Variants in ZNF423 observed in about 807,000 individuals in gnomAD.
The protein encoded by ZNF423 is zinc finger protein 423.
Under a neutral mutation model 95.8 loss-of-function variants are expected in ZNF423, and 12 were observed. That is an observed-to-expected ratio of 0.13 (90% CI 0.08 to 0.20). The LOEUF is 0.20. Ranked by LOEUF, ZNF423 falls within the 10% of genes least tolerant of loss-of-function variation. The pLI is 1.00. For synonymous variants in ZNF423, 749 were observed against 711.9 expected (o/e 1.05, Z -0.83); for missense variants, 1,316 against 1,737.1 (o/e 0.76, Z 4.31).
In ZNF423 at chr16:49,548,305, T is replaced by C. The variant is rs183323116; in HGVS notation, c.3602-22811A>G. ...CATAGAAACTGCCATCCCAGACAAA[T>C]GCACGACATTAAAATTTGGTCTAGA... On this transcript the variant is annotated intron_variant, in intron 5 of 7. Transcript: ENST00000563137. 5.9e-5 allele frequency among the ~76,000 whole-genome samples: 9 copies of C among 152,248 alleles called. No homozygotes were observed. In the East Asian group the frequency reaches 1.3e-3, roughly 23 times the overall value.
chr16:49,673,926 G>T lies in ZNF423; in HGVS notation c.302-35052C>A, dbSNP rs76515617. Among the ~76,000 whole-genome samples the T allele has an allele frequency of 9.7e-3, 1,472 of 152,284 alleles. 48 individuals are homozygous for T. Among genetic ancestry groups the T allele is most frequent in the East Asian group, 0.076 (391 of 5,158 alleles). On this transcript the variant is annotated intron_variant, in intron 3 of 7. Transcript: ENST00000563137. ...TAAAAGGGTCCTTAGGAAGCCCAGA[G>T]AGCTCAGTTCTGGCAGGGTGATCAG...
intron 7 of ZNF423, among the ~76,000 whole-genome samples, chr16:49,499,996 G>C (rs1249219545): frequency 4.6e-5 from 7 of 152,150 alleles, no homozygotes; most frequent in African/African-American, 1.7e-4. Flanking sequence ...AATGCAAATG[G>C]GCCCCGTCAG....
chr16:49,637,873 T>G lies in ZNF423; in HGVS notation c.1303A>C (p.Ile435Leu). Residue 435 changes from isoleucine (I) to leucine (L), a missense_variant, in exon 4 of 8, where the codon ATC becomes CTC. Transcript: ENST00000563137. The surrounding 1 kb of genome is among the most constrained non-coding windows in gnomAD (Gnocchi z 5.6). ...TCCGCGTGGATGGTCTTCAGGTGGATCTCCAGCACGGCCAGGCTGTTAAAG... is the reference window on the plus strand; with the variant it reads ...TCCGCGTGGATGGTCTTCAGGTGGAGCTCCAGCACGGCCAGGCTGTTAAAG... ...RDFNSLAVLE[I>L]HLKTIHADKP... 6.2e-7 allele frequency: 1 copy of G among 1,614,068 alleles called. No individual in the cohort carries two copies. The highest frequency in any genetic ancestry group is 8.5e-7 in the Non-Finnish European group (1 of 1,180,004).
intron 1 of ZNF423, among the ~76,000 whole-genome samples, chr16:49,789,893 G>A (rs1415510953): frequency 2.6e-5 from 4 of 152,108 alleles, no homozygotes; most frequent in African/African-American, 9.7e-5. Flanking sequence ...ACCCTGCTGA[G>A]ACCTGACCCA....
At chr16:49,547,256 G>A (rs1312006520) in intron 5 of ZNF423, among the ~76,000 whole-genome samples, 1 of 152,066 alleles carries the variant, frequency 6.6e-6, no homozygotes, top group African/African-American at 2.4e-5. Flanking sequence ...AAGAGAGAAT[G>A]CTGAAAGGTC....
At chr16:49,571,014 C>A (rs770703612) in intron 5 of ZNF423, among the ~76,000 whole-genome samples, 12 of 152,180 alleles carry the variant, frequency 7.9e-5, no homozygotes, top group Admixed American at 4.6e-4. Flanking sequence ...GCTGGATGGA[C>A]AGACAGATAG....
Position 49,636,635 on chromosome 16 carries a change from G to A in ZNF423, c.2541C>T (p.Asn847=), listed in dbSNP as rs146659313. The part of the protein sequence containing the change: ...KHCVFDAATE[N]GTANGVPPMA... The stretch of plus-strand genomic sequence containing the variant: ...TTGGGGGTACCCCATTGGCCGTGCC[G>A]TTCTCGGTCGCAGCATCAAACACAC... The change falls in exon 4 of 8, where the codon AAC becomes AAT. Residue 847 remains asparagine (N), a synonymous_variant. Coordinates refer to ENST00000563137, the MANE Select transcript of ZNF423 (RefSeq NM_001379286.1). The surrounding 1 kb of genome is among the most constrained non-coding windows in gnomAD (Gnocchi z 8.6). 3.2e-4 allele frequency: 521 copies of A among 1,614,058 alleles called. No individual in the cohort carries two copies. Among genetic ancestry groups the A allele is most frequent in the Admixed American group, 9.5e-4 (57 of 60,016 alleles).
intron 5 of ZNF423, among the ~76,000 whole-genome samples, chr16:49,563,025 C>T (rs1174392607): frequency 6.6e-6 from 1 of 152,190 alleles, no homozygotes; most frequent in Non-Finnish European, 1.5e-5. Flanking sequence ...CCTCATGATC[C>T]ACCCACCTTG....
At position 49,525,394 on chromosome 16, in the gene ZNF423, G is replaced by A. The variant is rs766215720; in HGVS notation, c.3702C>T (p.Gly1234=). The A allele has an allele frequency of 4.9e-5, 79 of 1,613,896 alleles. No homozygotes were observed. Among genetic ancestry groups the A allele is most frequent in the African/African-American group, 6.7e-5 (5 of 74,894 alleles). ...HLIEHSFEGM[G]GTFKCPVCFT... is the part of the protein sequence containing the mutation. ...AACACACGGGGCATTTGAAGGTGCC[G>A]CCCATGCCCTCGAAGCTGTGCTCAA... The change falls in exon 6 of 8, where the codon GGC becomes GGT. Residue 1234 remains glycine (G), a synonymous_variant. Transcript: ENST00000563137.
chr16:49,836,810 AG>A (rs1282955630), intron 1 of ZNF423, among the ~76,000 whole-genome samples: 6 of 152,048 alleles, frequency 3.9e-5, no homozygotes, highest in Non-Finnish European at 8.8e-5. Context: ...CTCTCCTACT[AG>A]TAAGAAGGCA....
At chr16:49,815,876 AAAAAAATATAT>A (rs2034832427) in intron 1 of ZNF423, among the ~76,000 whole-genome samples, 5 of 72,134 alleles carry the variant, frequency 6.9e-5, no homozygotes, top group Non-Finnish European at 1.2e-4. Flanking sequence ...CAAACAAAAA[AAAAAAATATAT>A]ATATATATAT....
chr16:49,554,069 C>A (rs1381766530), intron 5 of ZNF423, among the ~76,000 whole-genome samples: 1 of 152,188 alleles, frequency 6.6e-6, no homozygotes, highest in Non-Finnish European at 1.5e-5. Context: ...ACAATGATAT[C>A]TTTTCTCTCC....
intron 1 of ZNF423, among the ~76,000 whole-genome samples, chr16:49,801,251 C>G (rs368737626): frequency 6.6e-6 from 1 of 152,182 alleles, no homozygotes; most frequent in Non-Finnish European, 1.5e-5. Flanking sequence ...GGCCCAGGTC[C>G]CTCACGTCCT....
chr16:49,504,680 G>T (rs2151668036), intron 7 of ZNF423, among the ~76,000 whole-genome samples: 1 of 152,306 alleles, frequency 6.6e-6, no homozygotes, highest in East Asian at 1.9e-4. Flanking sequence ...TGGCTGGAAG[G>T]TGCACAGATC....
At chr16:49,828,795 C>T (rs1204735812) in intron 1 of ZNF423, among the ~76,000 whole-genome samples, 2 of 152,250 alleles carry the variant, frequency 1.3e-5, no homozygotes, top group African/African-American at 4.8e-5. Context: ...GTCCCACAAC[C>T]GGCTATGGAG....
At chr16:49,626,701 C>T (rs1972285188) in intron 4 of ZNF423, among the ~76,000 whole-genome samples, 1 of 151,428 alleles carries the variant, frequency 6.6e-6, no homozygotes, top group Non-Finnish European at 1.5e-5. Flanking sequence ...ATCTACCATC[C>T]ATCCTCCATC....
intron 3 of ZNF423, among the ~76,000 whole-genome samples, chr16:49,721,422 G>C: frequency 6.6e-6 from 1 of 152,104 alleles, no homozygotes; most frequent in East Asian, 1.9e-4. Flanking sequence ...AGATGAAATG[G>C]ACAACAGCAG....
chr16:49,681,614 A>G (rs964065624), intron 3 of ZNF423, among the ~76,000 whole-genome samples: 2 of 152,198 alleles, frequency 1.3e-5, no homozygotes, highest in African/African-American at 4.8e-5. Context: ...CAGGGACTTC[A>G]AAGGGATGGC....
At chr16:49,801,159 CG>C (rs1373294182) in intron 1 of ZNF423, among the ~76,000 whole-genome samples, 1 of 152,186 alleles carries the variant, frequency 6.6e-6, no homozygotes, top group East Asian at 1.9e-4. Flanking sequence ...TTGGCAGCCC[CG>C]GGGGACTGAG....
Sources: gnomAD v4.1 joint callset for allele counts (sites outside exome capture counted in the v4.1 genomes callset) on GRCh38, gnomAD v4.1.1 for gene constraint, Gnocchi (gnomAD v3.1) non-coding constraint, MANE v1.5 for transcripts, NCBI Gene and HGNC (gene_info 2026-07-23, HGNC 2026-07-21) for gene names.